The following NEK6 variants were observed in gnomAD, a reference collection of about 807,000 sequenced individuals.
NEK6 encodes NIMA related kinase 6.
Under a neutral mutation model 43.5 loss-of-function variants are expected in NEK6, and 27 were observed. The ratio of observed to expected loss-of-function variants is 0.62; its 90% CI spans 0.46 to 0.86. The LOEUF is 0.86. NEK6 is among the 40% of genes least tolerant of loss of function. NEK6 has a pLI of 0.00. For synonymous variants in NEK6, 167 were observed against 164.1 expected, an observed-to-expected ratio of 1.02 and a Z score of -0.14; for missense variants, 318 against 414.4, an observed-to-expected ratio of 0.77 and a Z score of 2.02.
intron 1 of NEK6, among the ~76,000 whole-genome samples, chr9:124,293,579 C>G (rs1832530487): frequency 6.6e-6 from 1 of 152,176 alleles, no homozygotes; most frequent in Admixed American, 6.5e-5. Flanking sequence ...CCCTGGGAAC[C>G]CTGCAGTGTG....
chr9:124,314,113 G>C (rs915952886), intron 4 of NEK6, 128 bp downstream of exon 4: 6 of 807,602 alleles, frequency 7.4e-6, no homozygotes, highest in African/African-American at 1.7e-5. Flanking sequence ...GTTAACAGAC[G>C]ATAGCTTTCT....
chr9:124,292,347 G>A, intron 1 of NEK6: 1 of 1,479,694 alleles, frequency 6.8e-7, no homozygotes, highest in Non-Finnish European at 8.9e-7. Flanking sequence ...TTCACATTGA[G>A]TAATCCCTGG....
chr9:124,292,354 C>T, intron 1 of NEK6: 1 of 1,492,652 alleles, frequency 6.7e-7, no homozygotes, highest in Non-Finnish European at 8.9e-7. Context: ...TGAGTAATCC[C>T]TGGGCTTGGC....
chr9:124,292,427 T>G, intron 1 of NEK6: 1 of 1,535,624 alleles, frequency 6.5e-7, no homozygotes, highest in Non-Finnish European at 8.7e-7. Flanking sequence ...GGGTTTTGTC[T>G]GCCCCTTCCT....
At chr9:124,347,655 T>C in intron 8 of NEK6, 54 bp from the exon 9 acceptor site, 1 of 1,193,116 alleles carries the variant, frequency 8.4e-7, no homozygotes, top group Non-Finnish European at 1.2e-6. Context: ...TCCTCTCTAG[T>C]CCTTCTGAGC....
At chr9:124,298,731 C>T (rs1832817384) in intron 1 of NEK6, among the ~76,000 whole-genome samples, 2 of 152,154 alleles carry the variant, frequency 1.3e-5, no homozygotes, top group Non-Finnish European at 2.9e-5. Context: ...TGTCTGTGAT[C>T]CTTGGGACCC....
At chr9:124,319,617 AT>A (rs1228224284) in intron 4 of NEK6, among the ~76,000 whole-genome samples, 5 of 152,138 alleles carry the variant, frequency 3.3e-5, no homozygotes, top group African/African-American at 1.2e-4. Context: ...ATCAATCTTG[AT>A]TTAATTTTTA....
At chr9:124,338,411 T>TA (rs1371850996) in intron 7 of NEK6, among the ~76,000 whole-genome samples, 2 of 152,132 alleles carry the variant, frequency 1.3e-5, no homozygotes, top group Non-Finnish European at 2.9e-5. Flanking sequence ...AATAAGGGGG[T>TA]AGTTTGTCTC....
chr9:124,320,374 G>A (rs1328770447), intron 4 of NEK6, among the ~76,000 whole-genome samples: 13 of 152,190 alleles, frequency 8.5e-5, no homozygotes, highest in Admixed American at 8.5e-4. Context: ...AATGAATAGG[G>A]GCTTGCATGG....
intron 8 of NEK6, among the ~76,000 whole-genome samples, chr9:124,346,284 A>AAGTTC (rs1410625226): frequency 6.6e-6 from 1 of 152,164 alleles, no homozygotes; most frequent in East Asian, 1.9e-4. Flanking sequence ...CGCCCTCCTG[A>AAGTTC]AGGAGGCAGG....
intron 9 of NEK6, 25 bp from the exon 10 acceptor site, chr9:124,350,812 T>C: frequency 6.4e-7 from 1 of 1,559,914 alleles, no homozygotes; most frequent in Non-Finnish European, 8.8e-7. Context: ...TTCTTGAGAA[T>C]AACACACCAT....
At chr9:124,291,801 G>A in intron 1 of NEK6, 1 of 985,214 alleles carries the variant, frequency 1.0e-6, no homozygotes, top group African/African-American at 1.7e-5. Context: ...CCAGTCCCTG[G>A]TAAGCAGGGG....
intron 1 of NEK6, among the ~76,000 whole-genome samples, chr9:124,296,200 G>C (rs763276542): frequency 2.0e-5 from 3 of 152,260 alleles, no homozygotes; most frequent in Non-Finnish European, 2.9e-5. Flanking sequence ...ATCACCCCTG[G>C]TGCTGGCACT....
At chr9:124,282,155 G>T (rs968151913) in intron 1 of NEK6, among the ~76,000 whole-genome samples, 2 of 152,338 alleles carry the variant, frequency 1.3e-5, no homozygotes, top group Non-Finnish European at 1.5e-5. Context: ...GAGGCGTGAT[G>T]CCTGAAATCA....
At chr9:124,273,948 C>G (rs1831553335) in intron 1 of NEK6, among the ~76,000 whole-genome samples, 1 of 152,164 alleles carries the variant, frequency 6.6e-6, no homozygotes, top group African/African-American at 2.4e-5. Flanking sequence ...CCCACATGGC[C>G]CCCCCATTCC....
At chr9:124,301,574 C>T (rs557333303) in intron 1 of NEK6, among the ~76,000 whole-genome samples, 1 of 152,288 alleles carries the variant, frequency 6.6e-6, no homozygotes, top group South Asian at 2.1e-4. Flanking sequence ...GGGTACAGAA[C>T]TGCTCCCCAA....
intron 4 of NEK6, among the ~76,000 whole-genome samples, chr9:124,315,656 C>T (rs971988486): frequency 2.0e-5 from 3 of 152,212 alleles, no homozygotes; most frequent in Non-Finnish European, 4.4e-5. Context: ...AGTGAAGGAA[C>T]CCACAGGTGA....
intron 4 of NEK6, among the ~76,000 whole-genome samples, chr9:124,319,728 T>TCA (rs1408650337): frequency 6.6e-6 from 1 of 152,198 alleles, no homozygotes; most frequent in Non-Finnish European, 1.5e-5. Flanking sequence ...TTTGTCAACT[T>TCA]TGTTGAAGAT....
At chr9:124,330,034 G>A (rs1224873547) in intron 7 of NEK6, among the ~76,000 whole-genome samples, 1 of 152,182 alleles carries the variant, frequency 6.6e-6, no homozygotes, top group Non-Finnish European at 1.5e-5. Flanking sequence ...CAAGAGCTGG[G>A]CTTATGCAAA....
Sources: gnomAD v4.1 joint callset for allele counts (sites outside exome capture counted in the v4.1 genomes callset) on GRCh38, gnomAD v4.1.1 for gene constraint, MANE v1.5 for transcripts, NCBI Gene and HGNC (gene_info 2026-07-23, HGNC 2026-07-21) for gene names.